Variants in LINGO2 observed in about 807,000 individuals in gnomAD.
LINGO2 encodes the protein leucine-rich repeat and immunoglobulin-like domain-containing nogo receptor-interacting protein 2.
In LINGO2, 14 loss-of-function variants were observed where a neutral mutation model predicts 30.6. The observed-to-expected ratio is 0.46, with a 90% CI of 0.30 to 0.72. The LOEUF is 0.72. Among genes scored for constraint, LINGO2 ranks in the 30% least tolerant of loss-of-function variants. The pLI is 0.07. For synonymous variants in LINGO2, 317 were observed against 288.5 expected (o/e 1.10, Z -1.00); for missense variants, 729 against 751.7 (o/e 0.97, Z 0.35).
chr9:28,528,964 T>C (rs1002306851), intron 1 of LINGO2, among the ~76,000 whole-genome samples: 5 of 152,206 alleles, frequency 3.3e-5, no homozygotes, highest in African/African-American at 7.2e-5. Context: ...GATTAAGTGT[T>C]ATTCAAATTA....
chr9:28,438,827 CAT>C (rs200082723), intron 2 of LINGO2, among the ~76,000 whole-genome samples: 3,548 of 130,718 alleles, frequency 0.027, 128 homozygotes, highest in East Asian at 0.1. Flanking sequence ...AAAATATATA[CAT>C]ATATATATAT....
rs555007827 is a variant in LINGO2 at position 28,466,987 on chromosome 9, G to A, written c.-279+8953C>T. On this transcript the variant is annotated intron_variant, in intron 2 of 5. Transcript: ENST00000379992. Reference sequence around the variant, plus strand: ...GATGAGATACAAAGGCAAAGTGGGTGGATTTGTTCCACTAATAAAAATAAC... The same window carrying A: ...GATGAGATACAAAGGCAAAGTGGGTAGATTTGTTCCACTAATAAAAATAAC... 2.6e-5 allele frequency among the ~76,000 whole-genome samples: 4 copies of A among 151,594 alleles called. No homozygotes were observed. The East Asian group carries it at 7.9e-4, about 30-fold the overall frequency.
At chr9:29,157,399 G>C in the LINGO2 span, among the ~76,000 whole-genome samples, 1 of 152,082 alleles carries the variant, frequency 6.6e-6, no homozygotes, top group Non-Finnish European at 1.5e-5. Flanking sequence ...AAGATGAGCA[G>C]GCATCATTCT....
intron 4 of LINGO2, among the ~76,000 whole-genome samples, chr9:28,083,789 G>A (rs1825836424): frequency 6.6e-6 from 1 of 152,032 alleles, no homozygotes; most frequent in Admixed American, 6.6e-5. Flanking sequence ...TTAATCAATA[G>A]TATTATTTTT....
chr9:28,050,112 G>A (rs995783783), intron 4 of LINGO2, among the ~76,000 whole-genome samples: 3 of 150,622 alleles, frequency 2.0e-5, no homozygotes, highest in Admixed American at 1.3e-4. Context: ...GGAGAGAAGA[G>A]TGAGGGGTCA....
intron 4 of LINGO2, chr9:28,149,076 T>C: frequency 6.5e-7 from 1 of 1,533,966 alleles, no homozygotes. Context: ...GAGGCACTGT[T>C]GGTGGGTCAG....
chr9:29,146,512 C>A, the LINGO2 span, among the ~76,000 whole-genome samples: 1 of 152,134 alleles, frequency 6.6e-6, no homozygotes, highest in South Asian at 2.1e-4. Flanking sequence ...AGTGTTGCTG[C>A]AAGACTATAT....
At chr9:28,177,907 A>G (rs979871633) in intron 4 of LINGO2, among the ~76,000 whole-genome samples, 3 of 152,200 alleles carry the variant, frequency 2.0e-5, no homozygotes, top group Non-Finnish European at 4.4e-5. Context: ...TTTATTCTAC[A>G]GCCTATCAAA....
the LINGO2 span, among the ~76,000 whole-genome samples, chr9:29,084,899 T>G: frequency 1.3e-5 from 2 of 151,944 alleles, no homozygotes; most frequent in East Asian, 3.9e-4. Flanking sequence ...CTCAATATAT[T>G]CAGTTAAATG....
chr9:29,008,834 A>G, the LINGO2 span, among the ~76,000 whole-genome samples: 1 of 152,158 alleles, frequency 6.6e-6, no homozygotes. Context: ...CTTATCCACC[A>G]TGATCAAGTT....
intron 4 of LINGO2, among the ~76,000 whole-genome samples, chr9:28,044,510 A>C (rs998248302): frequency 1.3e-5 from 2 of 152,204 alleles, no homozygotes; most frequent in Non-Finnish European, 2.9e-5. Context: ...GAGCAACAGC[A>C]TGGGTTGCTA....
intron 3 of LINGO2, among the ~76,000 whole-genome samples, chr9:28,316,841 T>A (rs534380778): frequency 6.6e-6 from 1 of 152,096 alleles, no homozygotes; most frequent in Non-Finnish European, 1.5e-5. Flanking sequence ...TTAGTAAAAA[T>A]TAGGATGAGG....
chr9:28,037,850 T>G (rs779448858), intron 4 of LINGO2, among the ~76,000 whole-genome samples: 39 of 152,368 alleles, frequency 2.6e-4, no homozygotes, highest in Non-Finnish European at 5.6e-4. Context: ...AGGCAGATAC[T>G]ATGTTAGGCG....
intron 4 of LINGO2, among the ~76,000 whole-genome samples, chr9:28,290,177 T>C (rs932651522): frequency 1.1e-4 from 16 of 152,214 alleles, no homozygotes; most frequent in Admixed American, 7.2e-4. Context: ...ATAGAAGATA[T>C]GACAACTGAA....
chr9:28,516,691 G>A (rs145634820), intron 1 of LINGO2, among the ~76,000 whole-genome samples: 152 of 152,218 alleles, frequency 1.0e-3, no homozygotes, highest in Non-Finnish European at 1.8e-3. Context: ...CATCAACATC[G>A]CTGTTGTTGC....
chr9:28,543,065 G>A (rs982562312), intron 1 of LINGO2, among the ~76,000 whole-genome samples: 3 of 152,026 alleles, frequency 2.0e-5, no homozygotes, highest in Admixed American at 2.0e-4. Flanking sequence ...CGATCTGGGA[G>A]CAGGCATTTC....
intron 5 of LINGO2, among the ~76,000 whole-genome samples, chr9:28,009,142 T>TTG (rs1822420275): frequency 5.8e-3 from 1 of 172 alleles, no homozygotes. Context: ...AAGGGAAAAG[T>TTG]TTTTTTTTTT....
chr9:27,956,558 T>G (rs1393717107), intron 5 of LINGO2, among the ~76,000 whole-genome samples: 9 of 152,186 alleles, frequency 5.9e-5, no homozygotes, highest in Non-Finnish European at 1.3e-4. Context: ...TTAAATCCAT[T>G]TTAACATTTT....
chr9:28,986,141 A>G, the LINGO2 span, among the ~76,000 whole-genome samples: 2 of 151,952 alleles, frequency 1.3e-5, no homozygotes, highest in Non-Finnish European at 2.9e-5. Flanking sequence ...TGTTGTACAC[A>G]CCTTTGTTAA....
Sources: allele counts gnomAD v4.1 joint callset (sites outside exome capture counted in the v4.1 genomes callset), GRCh38; gene constraint gnomAD v4.1.1; transcripts MANE v1.5; gene names NCBI Gene and HGNC (gene_info 2026-07-23, HGNC 2026-07-21).